The following PTH2R variants were observed in gnomAD, a reference collection of about 807,000 sequenced individuals.
PTH2R encodes the protein parathyroid hormone 2 receptor.
In PTH2R, 59 loss-of-function variants were observed where a neutral mutation model predicts 60.3. That is an observed-to-expected ratio of 0.98 (90% CI 0.79 to 1.22). PTH2R has a LOEUF of 1.22. Ranked by LOEUF, PTH2R falls within the 50% of genes most tolerant of loss-of-function variation. The pLI, the probability that PTH2R is intolerant of heterozygous loss-of-function variation, is 0.00. For missense variants in PTH2R, 749 were observed against 682.6 expected (o/e 1.10, Z -1.08); for synonymous variants, 256 against 243.8 (o/e 1.05, Z -0.47).
chr2:208,371,748 G>T (rs1374494877), intron 1 of PTH2R, among the ~76,000 whole-genome samples: 2 of 152,098 alleles, frequency 1.3e-5, no homozygotes, highest in Non-Finnish European at 2.9e-5. Context: ...GCCTCTCTGA[G>T]TCATCATAGG....
rs551206800 is a variant in PTH2R at position 208,401,307 on chromosome 2, T to A, written c.-258-26894T>A. On this transcript the variant is annotated intron_variant, in intron 1 of 12. Coordinates refer to the PTH2R transcript ENST00000617735. ...TCTCCCCTACCTGCCACCTGTATGTTCCAATGTTACCTGAAATGGAACATG... is the reference window on the plus strand; with the variant it reads ...TCTCCCCTACCTGCCACCTGTATGTACCAATGTTACCTGAAATGGAACATG... 4.5e-4 allele frequency among the ~76,000 whole-genome samples: 68 copies of A among 152,270 alleles called. 1 individual carries two copies. Among genetic ancestry groups the A allele is most frequent in the Admixed American group, 4.1e-3 (63 of 15,296 alleles).
In PTH2R at chr2:208,388,141, C is replaced by CCCG. The variant is rs1553541040; in HGVS notation, c.-259+27905_-259+27907dup. Among the ~76,000 whole-genome samples the CCCG allele has an allele frequency of 6.0e-5, 9 of 150,314 alleles. 1 individual carries two copies. Among genetic ancestry groups the CCCG allele is most frequent in the Non-Finnish European group, 8.9e-5 (6 of 67,310 alleles). The stretch of plus-strand genomic sequence containing the variant: ...TGGCTAACATGGTGAAACCCCCCCC[C>CCCG]CCGTCTCTACTAAAAATACAAAAAA... On this transcript the variant is annotated intron_variant, in intron 1 of 12. Coordinates refer to the PTH2R transcript ENST00000617735.
intron 9 of PTH2R, among the ~76,000 whole-genome samples, chr2:208,473,879 G>A (rs1454317533): frequency 6.6e-6 from 1 of 152,048 alleles, no homozygotes; most frequent in Non-Finnish European, 1.5e-5. Flanking sequence ...TTTTATAACT[G>A]ACAATACCGG....
At chr2:208,458,004 T>C (rs1702549088) in intron 8 of PTH2R, among the ~76,000 whole-genome samples, 1 of 152,302 alleles carries the variant, frequency 6.6e-6, no homozygotes, top group South Asian at 2.1e-4. Flanking sequence ...ATACTGGGTT[T>C]TGTGAAAAGA....
intron 12 of PTH2R, among the ~76,000 whole-genome samples, chr2:208,491,019 GT>G (rs1332538559): frequency 2.0e-5 from 3 of 152,086 alleles, no homozygotes; most frequent in Admixed American, 2.0e-4. Flanking sequence ...AAACTTATTA[GT>G]TTCCCTGGGA....
upstream of PTH2R, among the ~76,000 whole-genome samples, chr2:208,405,394 C>T (rs868471417): frequency 3.9e-5 from 6 of 152,148 alleles, no homozygotes; most frequent in Non-Finnish European, 8.8e-5. Context: ...AAAAACCCTC[C>T]GCACTGATCA....
intron 1 of PTH2R, among the ~76,000 whole-genome samples, chr2:208,374,451 T>A (rs986081278): frequency 6.6e-6 from 1 of 152,140 alleles, no homozygotes; most frequent in East Asian, 1.9e-4. Flanking sequence ...TAGCACTTGT[T>A]TGAAATCTAA....
At chr2:208,366,205 C>T (rs1173942788) in intron 1 of PTH2R, among the ~76,000 whole-genome samples, 1 of 150,774 alleles carries the variant, frequency 6.6e-6, no homozygotes, top group Non-Finnish European at 1.5e-5. Flanking sequence ...TTTTAATTAC[C>T]AACTCAATTT....
At chr2:208,438,063 G>A (rs889978839) in intron 4 of PTH2R, among the ~76,000 whole-genome samples, 182 bp downstream of exon 4, 1 of 152,126 alleles carries the variant, frequency 6.6e-6, no homozygotes, top group Non-Finnish European at 1.5e-5. Flanking sequence ...ATTTTCTATA[G>A]CCTAGAGCTA....
chr2:208,461,786 C>T lies in PTH2R; in HGVS notation c.981+1825C>T, dbSNP rs183733153. Among the ~76,000 whole-genome samples the T allele has an allele frequency of 1.1e-4, 17 of 152,308 alleles. No homozygotes were observed. In the East Asian group the frequency reaches 2.9e-3, roughly 26 times the overall value. On this transcript the variant is annotated intron_variant, in intron 9 of 12. Coordinates refer to ENST00000272847, the MANE Select transcript of PTH2R (RefSeq NM_005048.4). ...TTTGTTTACAGATCTAAGTCACTCA[C>T]ATCATCACCATGGATGAAAAATTTA...
intron 1 of PTH2R, among the ~76,000 whole-genome samples, chr2:208,390,032 T>C (rs533769289): frequency 1.3e-5 from 2 of 152,272 alleles, no homozygotes; most frequent in South Asian, 2.1e-4. Context: ...GCCACTCCCA[T>C]TGGGACTTCC....
At chr2:208,389,716 T>C (rs1417940578) in intron 1 of PTH2R, among the ~76,000 whole-genome samples, 1 of 152,200 alleles carries the variant, frequency 6.6e-6, no homozygotes, top group African/African-American at 2.4e-5. Flanking sequence ...TGTGATGTTT[T>C]CTCACAAATG....
intron 1 of PTH2R, among the ~76,000 whole-genome samples, chr2:208,372,617 T>G (rs193073992): frequency 6.6e-6 from 1 of 152,090 alleles, no homozygotes; most frequent in East Asian, 1.9e-4. Flanking sequence ...AGTGGTTGAA[T>G]AAACTAGGGC....
intron 2 of PTH2R, among the ~76,000 whole-genome samples, chr2:208,429,940 T>C (rs1701936978): frequency 6.6e-6 from 1 of 152,232 alleles, no homozygotes; most frequent in African/African-American, 2.4e-5. Flanking sequence ...ATACAGTATT[T>C]GAGTTTAATT....
intron 9 of PTH2R, among the ~76,000 whole-genome samples, chr2:208,464,191 A>G (rs1702690178): frequency 6.6e-6 from 1 of 152,224 alleles, no homozygotes; most frequent in African/African-American, 2.4e-5. Flanking sequence ...CCATTCCATG[A>G]TTCACCTTCT....
intron 1 of PTH2R, among the ~76,000 whole-genome samples, chr2:208,397,487 C>T (rs1701233169): frequency 6.6e-6 from 1 of 152,050 alleles, no homozygotes; most frequent in East Asian, 1.9e-4. Context: ...AATAAAACGA[C>T]ACAGACACAT....
At chr2:208,382,624 C>T (rs1306522080) in intron 1 of PTH2R, among the ~76,000 whole-genome samples, 1 of 152,112 alleles carries the variant, frequency 6.6e-6, no homozygotes, top group Non-Finnish European at 1.5e-5. Context: ...TCTGATCCTC[C>T]CTACTCCTCA....
At chr2:208,383,568 A>T (rs1467300440) in intron 1 of PTH2R, among the ~76,000 whole-genome samples, 1 of 152,228 alleles carries the variant, frequency 6.6e-6, no homozygotes, top group African/African-American at 2.4e-5. Context: ...CCAAAATTTG[A>T]TTTATTCTGG....
At chr2:208,471,290 T>TCCAG (rs1702874404) in intron 9 of PTH2R, among the ~76,000 whole-genome samples, 2 of 152,156 alleles carry the variant, frequency 1.3e-5, no homozygotes, top group African/African-American at 4.8e-5. Flanking sequence ...AGAAAATGTC[T>TCCAG]CCAGGGCATA....
Sources: gnomAD v4.1 joint callset for allele counts (sites outside exome capture counted in the v4.1 genomes callset) on GRCh38, gnomAD v4.1.1 for gene constraint, MANE v1.5 for transcripts, NCBI Gene and HGNC (gene_info 2026-07-23, HGNC 2026-07-21) for gene names.